Variants in CACNA1I observed in about 807,000 individuals in gnomAD.
The protein encoded by CACNA1I is voltage-dependent T-type calcium channel subunit alpha-1I.
A neutral mutation model predicts 201.6 loss-of-function variants in CACNA1I; 74 were observed. The observed-to-expected ratio is 0.37, with a 90% CI of 0.30 to 0.45. The LOEUF is 0.45. CACNA1I is among the 20% of genes least tolerant of loss of function. The pLI is 1.00. For missense variants in CACNA1I, 2,346 were observed against 3,138.1 expected (o/e 0.75, Z 6.03); for synonymous variants, 1,431 against 1,345.2 (o/e 1.06, Z -1.40).
In CACNA1I at chr22:39,665,811, C is replaced by A; in HGVS notation, c.3979-70C>A. 1 of 1,597,816 alleles carries A rather than the reference C, an allele frequency of 6.3e-7. No individual in the cohort carries two copies. Among genetic ancestry groups the A allele is most frequent in the Non-Finnish European group, 8.6e-7 (1 of 1,166,884 alleles). ...ACAAGACAGTCTGAGTAAACGCGATCGAGAGGCGAGTTCCTCTCTGACTTG... is the reference window on the plus strand; with the variant it reads ...ACAAGACAGTCTGAGTAAACGCGATAGAGAGGCGAGTTCCTCTCTGACTTG... On this transcript the variant is annotated intron_variant, in intron 22 of 36. Coordinates refer to ENST00000402142, the MANE Select transcript of CACNA1I (RefSeq NM_021096.4). This position sits in a 1 kb window ranked among gnomAD's most constrained non-coding sequence, Gnocchi z 5.5.
rs764481878 is a variant in CACNA1I, at chr22:39,656,383, G to A, written c.1993-1769G>A. 2.7e-5 allele frequency: 14 copies of A among 518,554 alleles called. 1 individual carries two copies. In the East Asian group the frequency reaches 4.9e-4, roughly 18 times the overall value. 32.1% of individuals were successfully genotyped at this position (518,554 alleles called of 1,614,324 possible). ...TGCACACCCTTCTCTGCTCCCTGGC[G>A]CCAGCTCTCTCTTAGCTTTTAGGTC... On this transcript the variant is annotated intron_variant, in intron 10 of 36. Transcript: ENST00000402142.
chr22:39,607,899 G>GGGA lies in CACNA1I; in HGVS notation c.482+7248_482+7249insAGG, dbSNP rs199693494. Among the ~76,000 whole-genome samples the GGGA allele has an allele frequency of 5.4e-3, 824 of 151,558 alleles. 38 individuals carry two copies. The highest frequency in any genetic ancestry group is 0.019 in the African/African-American group (777 of 41,252). ...CAGCACTTTGGGGTGCCAAGGCGGG[G>GGGA]GGGGGTCACCTGAGGTCAGGAGTTC... On this transcript the variant is annotated intron_variant, in intron 3 of 36. Coordinates refer to ENST00000402142, the MANE Select transcript of CACNA1I (RefSeq NM_021096.4).
At chr22:39,595,828 C>T (rs1932876103) in intron 1 of CACNA1I, among the ~76,000 whole-genome samples, 1 of 151,838 alleles carries the variant, frequency 6.6e-6, no homozygotes, top group African/African-American at 2.4e-5. Context: ...TCATTGAACA[C>T]CTACTAGATG....
In CACNA1I at chr22:39,571,005, C is replaced by G; in HGVS notation, c.236+17C>G. 1.2e-6 allele frequency: 2 copies of G among 1,601,078 alleles called. No homozygotes were observed. Among genetic ancestry groups the G allele is most frequent in the South Asian group, 2.2e-5 (2 of 90,772 alleles). On this transcript the variant is annotated intron_variant, in intron 1 of 36. Transcript: ENST00000402142. ...GTGCAACCCATATCCTCCGCAGCCT[C>G]GGCTGATCGGGGCCCTGCAGGGGCT...
At chr22:39,602,969 T>C (rs1933111040) in intron 3 of CACNA1I, among the ~76,000 whole-genome samples, 1 of 151,976 alleles carries the variant, frequency 6.6e-6, no homozygotes, top group African/African-American at 2.4e-5. Flanking sequence ...CTGGGCAACA[T>C]AGTGAGACCC....
Position 39,686,616 on chromosome 22 carries a change from ATATATATATG to A in CACNA1I, c.*212_*221del, listed in dbSNP as rs1935889620. ...TTCCAGTGCATATACATACATATAT[ATATATATATG>A]CATATATATATATATATATATATAT... On this transcript the variant is annotated 3_prime_UTR_variant, in exon 37 of 37. Transcript: ENST00000402142. The A allele has an allele frequency of 7.9e-6, 1 of 125,986 alleles. No homozygotes were observed. Among genetic ancestry groups the A allele is most frequent in the Non-Finnish European group, 1.6e-5 (1 of 63,524 alleles). 7.8% of individuals were successfully genotyped at this position (125,986 alleles called of 1,614,324 possible).
At chr22:39,601,875 TTCTCTCTCTTTCTTTCACCC>T (rs1440089302) in intron 3 of CACNA1I, among the ~76,000 whole-genome samples, 1 of 24,080 alleles carries the variant, frequency 4.2e-5, no homozygotes, top group Non-Finnish European at 8.4e-5. Context: ...CCTTCCTTCC[TTCTCTCTCTTTCTTTCACCC>T]TCCCTCCCTC....
At chr22:39,653,719 T>C (rs136846) in intron 10 of CACNA1I, among the ~76,000 whole-genome samples, 129,637 of 152,254 alleles carry the variant, frequency 0.85, 55,739 homozygotes, top group East Asian at 1. Flanking sequence ...ACAGGGTGCT[T>C]GAATGACAGG....
Position 39,629,625 on chromosome 22 carries a change from G to C in CACNA1I, c.581-4940G>C, listed in dbSNP as rs1335644496. ...GGTGGTGGAGAGGGCCCAGTGTCTG[G>C]CCTGGGCCATCTCAACAGTGAGGGC... On this transcript the variant is annotated intron_variant, in intron 4 of 36. Transcript: ENST00000402142. This position sits in a 1 kb window ranked among gnomAD's most constrained non-coding sequence, Gnocchi z 4.8. 6.6e-6 allele frequency among the ~76,000 whole-genome samples: 1 copy of C among 152,118 alleles called. No individual in the cohort carries two copies. Among genetic ancestry groups the C allele is most frequent in the East Asian group, 1.9e-4 (1 of 5,178 alleles).
intron 3 of CACNA1I, 25 bp downstream of exon 3, chr22:39,600,678 C>G: frequency 6.3e-7 from 1 of 1,580,316 alleles, no homozygotes; most frequent in Non-Finnish European, 8.6e-7. Flanking sequence ...CCAGGCAGGT[C>G]CTAGCCTCTG....
chr22:39,623,092 C>T (rs966831594), intron 4 of CACNA1I, among the ~76,000 whole-genome samples: 2 of 152,210 alleles, frequency 1.3e-5, no homozygotes, highest in African/African-American at 4.8e-5. Context: ...AGGCTGCAGG[C>T]GGGCTTAGGG....
At chr22:39,664,945 A>G (rs1935139701) in intron 21 of CACNA1I, 22 bp downstream of exon 21, 1 of 1,606,154 alleles carries the variant, frequency 6.2e-7, no homozygotes, top group African/African-American at 1.3e-5. Context: ...TCCTGGGCGG[A>G]TGGGGGAAAG....
In CACNA1I at chr22:39,665,062, T is replaced by G; in HGVS notation, c.3851+139T>G. 4 of 784,208 alleles carry G rather than the reference T, an allele frequency of 5.1e-6. No individual in the cohort carries two copies. The highest frequency in any genetic ancestry group is 8.1e-6 in the Non-Finnish European group (4 of 495,450). 48.6% of individuals were successfully genotyped at this position (784,208 alleles called of 1,614,324 possible). A position where few individuals can be genotyped will look rare whatever the true frequency, so the allele number is the denominator to read the frequency against. On this transcript the variant is annotated intron_variant, in intron 21 of 36. Coordinates refer to ENST00000402142, the MANE Select transcript of CACNA1I (RefSeq NM_021096.4). The surrounding 1 kb of genome is among the most constrained non-coding windows in gnomAD (Gnocchi z 5.5). ...AGTGAGTGCCAAACACCCTGAGCTGTTCCCGGGGGAGGGGTCTGCAGACCC... is the reference window on the plus strand; with the variant it reads ...AGTGAGTGCCAAACACCCTGAGCTGGTCCCGGGGGAGGGGTCTGCAGACCC...
At chr22:39,671,357 G>C (rs1935371408) in intron 26 of CACNA1I, among the ~76,000 whole-genome samples, 1 of 152,214 alleles carries the variant, frequency 6.6e-6, no homozygotes, top group African/African-American at 2.4e-5. Flanking sequence ...CTGAGGCTTA[G>C]AGAGGTTAAA....
At chr22:39,633,160 C>G (rs1294329296) in intron 4 of CACNA1I, among the ~76,000 whole-genome samples, 1 of 152,108 alleles carries the variant, frequency 6.6e-6, no homozygotes, top group African/African-American at 2.4e-5. Context: ...ATCTTCCACT[C>G]CCTCCCCATG....
At chr22:39,667,546 G>T (rs929527403) in intron 23 of CACNA1I, among the ~76,000 whole-genome samples, 13 of 152,182 alleles carry the variant, frequency 8.5e-5, no homozygotes, top group African/African-American at 2.9e-4. Flanking sequence ...CTGTGCTCAA[G>T]TTCAGTTCAG....
At chr22:39,660,809 G>C (rs1934983300) in intron 15 of CACNA1I, among the ~76,000 whole-genome samples, 1 of 152,088 alleles carries the variant, frequency 6.6e-6, no homozygotes, top group African/African-American at 2.4e-5. Context: ...CGGTAACTGG[G>C]GCGGACAGTC....
At chr22:39,635,904 C>T (rs1481460956) in intron 5 of CACNA1I, among the ~76,000 whole-genome samples, 1 of 152,178 alleles carries the variant, frequency 6.6e-6, no homozygotes, top group African/African-American at 2.4e-5. Context: ...CCAAGCTCGC[C>T]ATCACACAGC....
intron 10 of CACNA1I, among the ~76,000 whole-genome samples, chr22:39,654,162 G>C (rs888024471): frequency 6.6e-6 from 1 of 152,236 alleles, no homozygotes; most frequent in South Asian, 2.1e-4. Context: ...GAAGTAGATG[G>C]CTTGCCCAAG....
Sources: gnomAD v4.1 joint callset for allele counts (sites outside exome capture counted in the v4.1 genomes callset) on GRCh38, gnomAD v4.1.1 for gene constraint, Gnocchi (gnomAD v3.1) non-coding constraint, MANE v1.5 for transcripts, NCBI Gene and HGNC (gene_info 2026-07-23, HGNC 2026-07-21) for gene names.